RNF32: variants seen among roughly 807,000 people sequenced by gnomAD.
RNF32 encodes the protein ring finger protein 32.
RNF32 carries 36 observed loss-of-function variants against 41.0 expected under a neutral mutation model. The ratio of observed to expected loss-of-function variants is 0.88; its 90% confidence interval spans 0.67 to 1.16. The LOEUF (loss-of-function observed/expected upper bound fraction) is 1.16. RNF32 is among the 50% of genes most tolerant of loss of function. The pLI is 0.00. For synonymous variants in RNF32, 154 were observed against 160.9 expected, an observed-to-expected ratio of 0.96 and a Z score of 0.32; for missense variants, 413 against 436.7, an observed-to-expected ratio of 0.95 and a Z score of 0.48.
intron 3 of RNF32, 80 bp downstream of exon 3, chr7:156,644,837 T>C: frequency 2.2e-6 from 3 of 1,391,228 alleles, no homozygotes; most frequent in Non-Finnish European, 3.0e-6. Flanking sequence ...ATTTTTTATG[T>C]TACAGAAATA....
chr7:156,666,425 CAA>C (rs997401327), intron 7 of RNF32, among the ~76,000 whole-genome samples: 1 of 152,154 alleles, frequency 6.6e-6, no homozygotes, highest in African/African-American at 2.4e-5. Flanking sequence ...TTTCTTTTCA[CAA>C]AGTTGTGTTG....
At chr7:156,652,146 C>A (rs1798828256) in intron 3 of RNF32, among the ~76,000 whole-genome samples, 1 of 152,222 alleles carries the variant, frequency 6.6e-6, no homozygotes, top group Admixed American at 6.5e-5. Flanking sequence ...AATAAGGAAT[C>A]TTGATATGGA....
At chr7:156,661,525 T>C (rs576902380) in intron 7 of RNF32, among the ~76,000 whole-genome samples, 11 of 152,312 alleles carry the variant, frequency 7.2e-5, no homozygotes, top group Admixed American at 5.9e-4. Flanking sequence ...TTCCCCATGT[T>C]GGCCAGGCAG....
chr7:156,664,076 G>C (rs1801010296), intron 7 of RNF32, among the ~76,000 whole-genome samples: 1 of 152,228 alleles, frequency 6.6e-6, no homozygotes, highest in African/African-American at 2.4e-5. Context: ...TCAGAGCGGG[G>C]AGAGAGCCTG....
chr7:156,654,464 G>A, intron 3 of RNF32, 112 bp from the exon 4 acceptor site: 1 of 841,496 alleles, frequency 1.2e-6, no homozygotes, highest in African/African-American at 1.7e-5. Flanking sequence ...TAAAGTATGT[G>A]ATCTATATGT....
chr7:156,642,163 A>G (rs1169645623), intron 1 of RNF32, among the ~76,000 whole-genome samples: 3 of 152,212 alleles, frequency 2.0e-5, no homozygotes, highest in Non-Finnish European at 4.4e-5. Flanking sequence ...AACATCATCC[A>G]TAGGTTCTTA....
chr7:156,670,854 A>T lies in RNF32; in HGVS notation c.685-4842A>T, dbSNP rs990777926. ...ATTCTAAAGGATGCCTTGCATGAGGAAGGAAAATGGCCCCAGACGGGAAAT... is the reference window on the plus strand; with the variant it reads ...ATTCTAAAGGATGCCTTGCATGAGGTAGGAAAATGGCCCCAGACGGGAAAT... On this transcript the variant is annotated intron_variant, in intron 7 of 8. Transcript: ENST00000317955. The surrounding 1 kb of genome is among the most constrained non-coding windows in gnomAD (Gnocchi z 4.3). 1.3e-5 allele frequency among the ~76,000 whole-genome samples: 2 copies of T among 152,228 alleles called. No individual in the cohort carries two copies. Among genetic ancestry groups the T allele is most frequent in the African/African-American group, 4.8e-5 (2 of 41,446 alleles).
chr7:156,663,320 T>C (rs1490013022), intron 7 of RNF32, among the ~76,000 whole-genome samples: 1 of 152,202 alleles, frequency 6.6e-6, no homozygotes, highest in African/African-American at 2.4e-5. Flanking sequence ...AAACAAAATA[T>C]ATGTGTGTGC....
At chr7:156,667,800 A>T (rs985424405) in intron 7 of RNF32, among the ~76,000 whole-genome samples, 1 of 152,210 alleles carries the variant, frequency 6.6e-6, no homozygotes, top group African/African-American at 2.4e-5. Context: ...GAATACTCAA[A>T]GCTGTAAGAA....
Position 156,675,747 on chromosome 7 carries a change from G to A in RNF32, c.736G>A (p.Glu246Lys). 6.2e-7 allele frequency: 1 copy of A among 1,613,922 alleles called. No homozygotes were observed. Among genetic ancestry groups the A allele is most frequent in the Non-Finnish European group, 8.5e-7 (1 of 1,179,944 alleles). ...ILCSYNTNIE[E>K]LFAEIDQCLA... ...GTGCTCATACAACACCAACATTGAA[G>A]AGCTCTTTGCAGAAATCGATCAGTG... The change falls in exon 8 of 9, where the codon GAG becomes AAG. Residue 246 changes from glutamate (E) to lysine (K), a missense_variant. Coordinates refer to ENST00000317955, the MANE Select transcript of RNF32 (RefSeq NM_030936.4).
intron 5 of RNF32, 176 bp downstream of exon 5, chr7:156,657,749 C>A (rs530981572): frequency 4.5e-6 from 3 of 667,822 alleles, no homozygotes; most frequent in Non-Finnish European, 7.9e-6. Context: ...TTTTGAAAAT[C>A]ATGAGTTTTG....
At chr7:156,640,429 G>A (rs980210170), upstream of RNF32, 1 of 396,822 alleles carries the variant, frequency 2.5e-6, no homozygotes, top group Admixed American at 3.1e-5. Flanking sequence ...CTCACTACAC[G>A]AGGCCTGGGC....
intron 3 of RNF32, among the ~76,000 whole-genome samples, chr7:156,652,671 T>C (rs922852510): frequency 2.0e-4 from 30 of 152,088 alleles, no homozygotes; most frequent in African/African-American, 7.0e-4. Context: ...TGTGTTTGTG[T>C]CTTAGTTTTT....
At chr7:156,676,044 G>A (rs917718424) in intron 8 of RNF32, among the ~76,000 whole-genome samples, 181 bp downstream of exon 8, 1 of 151,836 alleles carries the variant, frequency 6.6e-6, no homozygotes, top group Non-Finnish European at 1.5e-5. Context: ...CTCACTTTGG[G>A]AAGCCTAGGA....
Position 156,676,596 on chromosome 7 carries a change from C to T in RNF32, c.1030C>T (p.Pro344Ser), listed in dbSNP as rs147256143. 6.2e-7 allele frequency: 1 copy of T among 1,614,180 alleles called. No individual in the cohort carries two copies. ...GGAGTTCTCCGTGGGAGACAGGCCTCCTTTCCATGCCTGTCCTCTCTGCCG... is the reference window on the plus strand; with the variant it reads ...GGAGTTCTCCGTGGGAGACAGGCCTTCTTTCCATGCCTGTCCTCTCTGCCG... The part of the protein sequence containing the change: ...LEEFSVGDRP[P>S]FHACPLCRSC... Residue 344 changes from proline (P) to serine (S), a missense_variant, in exon 9 of 9, where the codon CCT (proline) becomes TCT (serine). Transcript: ENST00000317955.
At chr7:156,665,783 G>T (rs1801260655) in intron 7 of RNF32, among the ~76,000 whole-genome samples, 3 of 152,154 alleles carry the variant, frequency 2.0e-5, no homozygotes. Flanking sequence ...GAAATCTGGG[G>T]CTTCAACAAA....
chr7:156,649,900 T>A (rs1434246831), intron 3 of RNF32, among the ~76,000 whole-genome samples: 1 of 152,276 alleles, frequency 6.6e-6, no homozygotes, highest in African/African-American at 2.4e-5. Context: ...CAAAGCCATA[T>A]AAGCTTCACC....
Position 156,670,200 on chromosome 7 carries a change from C to T in RNF32, c.685-5496C>T, listed in dbSNP as rs1490882026. Among the ~76,000 whole-genome samples, 1 of 152,222 alleles carries T rather than the reference C, an allele frequency of 6.6e-6. No individual in the cohort carries two copies. Among genetic ancestry groups the T allele is most frequent in the Non-Finnish European group, 1.5e-5 (1 of 68,046 alleles). ...AAAAGCACACAATTCGTATTTCCCA[C>T]CCACTAGGGCACACACATTTCCTTC... On this transcript the variant is annotated intron_variant, in intron 7 of 8. Coordinates refer to ENST00000317955, the MANE Select transcript of RNF32 (RefSeq NM_030936.4). The surrounding 1 kb of genome is among the most constrained non-coding windows in gnomAD (Gnocchi z 4.3).
At chr7:156,656,030 T>C (rs1799615145) in intron 4 of RNF32, among the ~76,000 whole-genome samples, 1 of 152,240 alleles carries the variant, frequency 6.6e-6, no homozygotes. Context: ...TCCTGTATAT[T>C]TTGCATTTCC....
Sources: allele counts gnomAD v4.1 joint callset (sites outside exome capture counted in the v4.1 genomes callset), GRCh38; gene constraint gnomAD v4.1.1; non-coding constraint Gnocchi (gnomAD v3.1); transcripts MANE v1.5; gene names NCBI Gene and HGNC (gene_info 2026-07-23, HGNC 2026-07-21).